SIM1: variants seen among roughly 807,000 people sequenced by gnomAD.
The protein encoded by SIM1 is SIM bHLH transcription factor 1.
A neutral mutation model predicts 78.2 loss-of-function variants in SIM1; 18 were observed. The observed-to-expected ratio is 0.23, with a 90% confidence interval of 0.16 to 0.34. The LOEUF (loss-of-function observed/expected upper bound fraction) is 0.34. SIM1 is among the 10% of genes least tolerant of loss of function. The pLI, the probability that SIM1 is intolerant of heterozygous loss-of-function variation, is 1.00. For missense variants in SIM1, 939 were observed against 975.1 expected, an observed-to-expected ratio of 0.96 and a Z score of 0.49; for synonymous variants, 417 against 385.2, an observed-to-expected ratio of 1.08 and a Z score of -0.97.
At chr6:100,406,918 A>G (rs1771066233) in intron 10 of SIM1, among the ~76,000 whole-genome samples, 1 of 150,870 alleles carries the variant, frequency 6.6e-6, no homozygotes, top group Non-Finnish European at 1.5e-5. Flanking sequence ...GCTCTACATT[A>G]GATCCCCAGA....
chr6:100,406,950 A>C (rs910224399), intron 10 of SIM1, among the ~76,000 whole-genome samples: 8 of 152,132 alleles, frequency 5.3e-5, no homozygotes, highest in African/African-American at 1.9e-4. Context: ...TTATAACTGG[A>C]AGTTTGTACC....
intron 9 of SIM1, among the ~76,000 whole-genome samples, chr6:100,444,010 A>T (rs1392601603): frequency 6.6e-6 from 1 of 152,086 alleles, no homozygotes; most frequent in Non-Finnish European, 1.5e-5. Context: ...AAGTGGCAGA[A>T]TATTTCTTAT....
In SIM1 at chr6:100,463,196, ATATGT is replaced by A. The variant is rs139573852; in HGVS notation, c.175+93_175+97del. Reference sequence around the variant, plus strand: ...TTCCCTTTGCAAAATATATATGTAAATATGTATGCATTTCTCTGGTCACTGATGTC... The same window carrying A: ...TTCCCTTTGCAAAATATATATGTAAAATGCATTTCTCTGGTCACTGATGTC... On this transcript the variant is annotated intron_variant, in intron 2 of 11. Coordinates refer to ENST00000369208, the MANE Select transcript of SIM1 (RefSeq NM_005068.3). The A allele has an allele frequency of 0.52, 580,016 of 1,107,572 alleles. 152,351 individuals carry two copies. The highest frequency in any genetic ancestry group is 0.7 in the South Asian group (43,314 of 62,120). 68.6% of individuals were successfully genotyped at this position (1,107,572 alleles called of 1,614,324 possible). A position where few individuals can be genotyped will look rare whatever the true frequency, so the allele number is the denominator to read the frequency against.
chr6:100,431,034 C>G (rs1187232696), intron 9 of SIM1, among the ~76,000 whole-genome samples: 1 of 152,194 alleles, frequency 6.6e-6, no homozygotes, highest in African/African-American at 2.4e-5. Context: ...AACCTCACAG[C>G]ACGGTTGGAA....
chr6:100,447,865 T>C (rs1772401255), intron 8 of SIM1, among the ~76,000 whole-genome samples: 1 of 152,208 alleles, frequency 6.6e-6, no homozygotes, highest in Admixed American at 6.5e-5. Context: ...TTCACAGATG[T>C]GAAAAAATAC....
At chr6:100,442,917 T>C (rs1220390168) in intron 9 of SIM1, among the ~76,000 whole-genome samples, 1 of 152,114 alleles carries the variant, frequency 6.6e-6, no homozygotes, top group East Asian at 1.9e-4. Context: ...TCGGGTTTTA[T>C]ATTGACAGAA....
chr6:100,390,001 T>C lies in SIM1; in HGVS notation c.*360A>G. On this transcript the variant is annotated 3_prime_UTR_variant, in exon 12 of 12. Coordinates refer to ENST00000369208, the MANE Select transcript of SIM1 (RefSeq NM_005068.3). ...AATGTATACCGCAGTTTGTAAGTAA[T>C]AGTTTGTGTGTTTGAGGATCACTGG... 2.6e-6 allele frequency: 1 copy of C among 386,086 alleles called. No homozygotes were observed. The highest frequency in any genetic ancestry group is 4.6e-6 in the Non-Finnish European group (1 of 217,802). 23.9% of individuals were successfully genotyped at this position (386,086 alleles called of 1,614,324 possible).
chr6:100,393,930 A>G (rs1253775988), intron 10 of SIM1, 41 bp from the exon 11 acceptor site: 1 of 1,509,864 alleles, frequency 6.6e-7, no homozygotes, highest in Non-Finnish European at 8.9e-7. Context: ...TCAAAAATCA[A>G]TCGATCAGTA....
chr6:100,449,612 AG>A lies in SIM1; in HGVS notation c.435del (p.Tyr146ThrfsTer17). ...EMTAVLTAHQ[P>X]YHSHFVQEYE... Reference sequence around the variant, plus strand: ...TTACCCTGCACGAAGTGAGAGTGGTAGGGTTGATGGGCGGTGAGCACCGCCG... The same window carrying A: ...TTACCCTGCACGAAGTGAGAGTGGTAGGTTGATGGGCGGTGAGCACCGCCG... On this transcript the variant is annotated frameshift_variant, in exon 5 of 12. Coordinates refer to ENST00000369208, the MANE Select transcript of SIM1 (RefSeq NM_005068.3). LOFTEE classifies it high-confidence loss of function. 6.2e-7 allele frequency: 1 copy of A among 1,614,022 alleles called. No homozygotes were observed. Among genetic ancestry groups the A allele is most frequent in the Non-Finnish European group, 8.5e-7 (1 of 1,179,894 alleles).
intron 9 of SIM1, among the ~76,000 whole-genome samples, chr6:100,442,688 GA>G (rs1362371043): frequency 6.6e-6 from 1 of 151,868 alleles, no homozygotes; most frequent in Non-Finnish European, 1.5e-5. Context: ...TGCTAACCAG[GA>G]AAATAAATTG....
At chr6:100,433,369 G>C (rs1441502009) in intron 9 of SIM1, among the ~76,000 whole-genome samples, 1 of 152,004 alleles carries the variant, frequency 6.6e-6, no homozygotes, top group Non-Finnish European at 1.5e-5. Flanking sequence ...TTCCACCTCA[G>C]GGCCTTTGCA....
At position 100,387,200 on chromosome 6, in the gene SIM1, TC is replaced by T. The variant is rs1208481658; in HGVS notation, c.*3160del. 1 of 152,050 alleles carries T rather than the reference TC, an allele frequency of 6.6e-6. No homozygotes were observed. Among genetic ancestry groups the T allele is most frequent in the African/African-American group, 2.4e-5 (1 of 41,432 alleles). 9.4% of individuals were successfully genotyped at this position (152,050 alleles called of 1,614,324 possible). On this transcript the variant is annotated 3_prime_UTR_variant, in exon 12 of 12. Transcript: ENST00000369208. ...ATTGGATAGAGCACATTTTTATGTA[TC>T]CCCAAGGTGATATGAAAATCATACT...
chr6:100,406,908 G>A lies in SIM1; in HGVS notation c.1168-13019C>T, dbSNP rs115433953. Among the ~76,000 whole-genome samples, 1,099 of 151,706 alleles carry A rather than the reference G, an allele frequency of 7.2e-3. 18 individuals carry two copies. The highest frequency in any genetic ancestry group is 0.025 in the African/African-American group (1,051 of 41,520). On this transcript the variant is annotated intron_variant, in intron 10 of 11. Coordinates refer to ENST00000369208, the MANE Select transcript of SIM1 (RefSeq NM_005068.3). Reference sequence around the variant, plus strand: ...CAATATTATTAACTATAGTCACCATGCTCTACATTAGATCCCCAGAACACA... The same window carrying A: ...CAATATTATTAACTATAGTCACCATACTCTACATTAGATCCCCAGAACACA...
chr6:100,449,567 G>A, intron 5 of SIM1, 24 bp downstream of exon 5: 1 of 1,590,636 alleles, frequency 6.3e-7, no homozygotes, highest in Non-Finnish European at 8.6e-7. Flanking sequence ...GGGCCTGAGC[G>A]TCGCAGGCAT....
At chr6:100,401,189 C>T (rs1165345697) in intron 10 of SIM1, among the ~76,000 whole-genome samples, 1 of 152,052 alleles carries the variant, frequency 6.6e-6, no homozygotes, top group Non-Finnish European at 1.5e-5. Flanking sequence ...AGCACACAAA[C>T]TCAAACTGAA....
rs748922467 is a variant in SIM1 at position 100,421,004 on chromosome 6, T to C, written c.999-46A>G. On this transcript the variant is annotated intron_variant, in intron 9 of 11. Transcript: ENST00000369208. ...GCCCTTAATCAGCCACCATAGGAAA[T>C]GGATTCATGCATACTCTCATCAGGA... The C allele has an allele frequency of 5.1e-6, 8 of 1,579,842 alleles. No homozygotes were observed. The East Asian group carries it at 1.6e-4, about 31-fold the overall frequency.
chr6:100,433,251 G>A lies in SIM1; in HGVS notation c.999-12293C>T, dbSNP rs182848738. ...TCCCAAAACCTTCAAGATCCAAGGC[G>A]ATCTGGCCCTGCCTATTCTTCTAGC... On this transcript the variant is annotated intron_variant, in intron 9 of 11. Coordinates refer to ENST00000369208, the MANE Select transcript of SIM1 (RefSeq NM_005068.3). Among the ~76,000 whole-genome samples, 5 of 152,260 alleles carry A rather than the reference G, an allele frequency of 3.3e-5. No homozygotes were observed. The South Asian group carries it at 1.0e-3, about 32-fold the overall frequency.
At chr6:100,464,447 C>A (rs1582334237) in intron 1 of SIM1, among the ~76,000 whole-genome samples, 167 bp downstream of exon 1, 1 of 152,212 alleles carries the variant, frequency 6.6e-6, no homozygotes, top group Admixed American at 6.5e-5. Flanking sequence ...GGCTGCCCAG[C>A]AGGGGCTGCA....
chr6:100,401,522 A>G (rs1770914893), intron 10 of SIM1, among the ~76,000 whole-genome samples: 2 of 152,024 alleles, frequency 1.3e-5, no homozygotes, highest in Admixed American at 1.3e-4. Flanking sequence ...CGATGTATTA[A>G]GGTTTAGGTA....
Sources: allele counts gnomAD v4.1 joint callset (sites outside exome capture counted in the v4.1 genomes callset), GRCh38; gene constraint gnomAD v4.1.1; transcripts MANE v1.5; gene names NCBI Gene and HGNC (gene_info 2026-07-23, HGNC 2026-07-21).